The following A2M variants were observed in gnomAD, a reference collection of about 807,000 sequenced individuals.
A2M encodes the protein alpha-2-macroglobulin.
Under a neutral mutation model 183.9 loss-of-function variants are expected in A2M, and 128 were observed. The ratio of observed to expected loss-of-function variants is 0.70; its 90% CI spans 0.60 to 0.81. A2M has a LOEUF of 0.81. Among genes scored for constraint, A2M ranks in the 30% least tolerant of loss-of-function variants. The pLI, the probability that A2M is intolerant of heterozygous loss-of-function variation, is 0.00. For missense variants in A2M, 1,495 were observed against 1,787.6 expected (o/e 0.84, Z 2.95); for synonymous variants, 592 against 670.8 (o/e 0.88, Z 1.81).
intron 35 of A2M, 165 bp from the exon 36 acceptor site, chr12:9,068,004 C>T (rs893510969): frequency 2.1e-6 from 2 of 964,166 alleles, no homozygotes; most frequent in African/African-American, 1.6e-5. Flanking sequence ...CCTATGGACT[C>T]TCTGAGGTTT....
At chr12:9,069,014 G>A in intron 33 of A2M, 172 bp from the exon 34 acceptor site, 1 of 512,386 alleles carries the variant, frequency 2.0e-6, no homozygotes, top group Non-Finnish European at 3.4e-6. Context: ...AAATTCTCCA[G>A]ATTATTTCTT....
In A2M at chr12:9,113,395, C is replaced by T; in HGVS notation, c.235G>A (p.Ala79Thr). ...GNRSLFTDLE[A>T]ENDVLHCVAF... is the part of the protein sequence containing the mutation. ...ACACAGTGGAGTACGTCATTCTCCG[C>T]CTCCAGGTCAGTGAAGAGGCTCCTG... Residue 79 changes from alanine to threonine, a missense_variant, in exon 2 of 36, where the codon GCG (alanine) becomes ACG (threonine). By Grantham distance (58) the Ala-to-Thr change is moderately conservative. Transcript: ENST00000318602. 6.2e-7 allele frequency: 1 copy of T among 1,613,720 alleles called. No homozygotes were observed. The highest frequency in any genetic ancestry group is 1.7e-5 in the Admixed American group (1 of 59,954).
At chr12:9,090,249 G>A (rs962179969) in intron 20 of A2M, 107 bp downstream of exon 20, 7 of 1,532,408 alleles carry the variant, frequency 4.6e-6, no homozygotes, top group Non-Finnish European at 5.4e-6. Flanking sequence ...GAAAAAAATC[G>A]CAGCATCTAG....
At chr12:9,090,118 T>C (rs1949164511) in intron 20 of A2M, 95 bp from the exon 21 acceptor site, 1 of 1,517,706 alleles carries the variant, frequency 6.6e-7, no homozygotes, top group Non-Finnish European at 8.9e-7. Flanking sequence ...CTGTAAACTT[T>C]TGTTTTATTA....
At chr12:9,112,856 G>A (rs777341630) in intron 2 of A2M, among the ~76,000 whole-genome samples, 1 of 152,276 alleles carries the variant, frequency 6.6e-6, no homozygotes, top group East Asian at 1.9e-4. Context: ...GGGCATGGTC[G>A]AAGCATGTTT....
intron 15 of A2M, chr12:9,098,297 G>A (rs1271649108): frequency 1.3e-5 from 2 of 159,726 alleles, no homozygotes; most frequent in Admixed American, 1.3e-4. Flanking sequence ...TCTTGAGCAA[G>A]AAGCTTAACG....
intron 4 of A2M, chr12:9,111,921 C>T (rs752779882): frequency 1.7e-5 from 11 of 640,032 alleles, no homozygotes; most frequent in Admixed American, 3.9e-5. Context: ...AAGAACCATC[C>T]GAAAAGTAAA....
upstream of A2M, chr12:9,115,989 T>A: frequency 1.4e-6 from 1 of 722,162 alleles, no homozygotes; most frequent in South Asian, 1.5e-5. Flanking sequence ...CCACACAAGA[T>A]CTCTAAACAA....
chr12:9,115,007 A>G (rs1244474004), intron 1 of A2M, among the ~76,000 whole-genome samples: 2 of 152,212 alleles, frequency 1.3e-5, no homozygotes, highest in Non-Finnish European at 2.9e-5. Context: ...GATTGCAAGA[A>G]TTAAACAACA....
chr12:9,104,299 A>C lies in A2M; in HGVS notation c.1206T>G (p.His402Gln). ...NYYSNATTDEHGLVQFSINTT... is the reference protein window; with the variant it reads ...NYYSNATTDEQGLVQFSINTT... Reference sequence around the variant, plus strand: ...TGTTGATAGAGAACTGTACAAGGCCATGCTCATCCGTGGTAGCATTGGAGT... The same window carrying C: ...TGTTGATAGAGAACTGTACAAGGCCCTGCTCATCCGTGGTAGCATTGGAGT... Residue 402 changes from histidine to glutamine, a missense_variant, in exon 11 of 36, where the codon CAT becomes CAG. Coordinates refer to ENST00000318602, the MANE Select transcript of A2M (RefSeq NM_000014.6). The C allele has an allele frequency of 6.2e-7, 1 of 1,613,346 alleles. No individual in the cohort carries two copies. Among genetic ancestry groups the C allele is most frequent in the Middle Eastern group, 1.6e-4 (1 of 6,062 alleles).
Position 9,075,816 on chromosome 12 carries a change from C to G in A2M, c.3532+940G>C, listed in dbSNP as rs751831215. Among the ~76,000 whole-genome samples, 3 of 152,258 alleles carry G rather than the reference C, an allele frequency of 2.0e-5. No homozygotes were observed. The East Asian group carries it at 5.8e-4, about 29-fold the overall frequency. On this transcript the variant is annotated intron_variant, in intron 28 of 35. Transcript: ENST00000318602. ...ATTGCCTCTGGAGGTGGTAGTGATA[C>G]ACAAGGGATTTATTTTTCCCATGTC... is the stretch of plus-strand genomic sequence containing the variant.
chr12:9,106,378 G>A (rs2137926410), intron 9 of A2M, 33 bp from the exon 10 acceptor site: 1 of 1,524,646 alleles, frequency 6.6e-7, no homozygotes, highest in Non-Finnish European at 9.0e-7. Context: ...GTTATTTTTG[G>A]GAAGAATGAT....
chr12:9,101,056 A>G (rs1270620177), intron 13 of A2M, 88 bp downstream of exon 13: 3 of 1,281,700 alleles, frequency 2.3e-6, no homozygotes, highest in Non-Finnish European at 3.2e-6. Context: ...ACCTATGGAA[A>G]AAAAGGGAAA....
chr12:9,068,136 A>C, intron 35 of A2M, 47 bp downstream of exon 35: 1 of 1,606,312 alleles, frequency 6.2e-7, no homozygotes, highest in South Asian at 1.1e-5. Context: ...TTGGGGGGCA[A>C]GCTGAAGGAG....
chr12:9,108,412 CA>C (rs1331081044), intron 7 of A2M, among the ~76,000 whole-genome samples: 1 of 152,196 alleles, frequency 6.6e-6, no homozygotes, highest in Non-Finnish European at 1.5e-5. Context: ...AGGCGTGAGC[CA>C]CCACGCCGGG....
rs1805683 is a variant in A2M at position 9,074,492 on chromosome 12, T to C, written c.3756+68A>G. The C allele has an allele frequency of 4.8e-3, 6,927 of 1,443,904 alleles. 260 individuals carry two copies. In the African/African-American group the frequency reaches 0.083, roughly 17 times the overall value. The allele number at this position is 1,443,904 out of a possible 1,614,324, so 89.4% of individuals were successfully genotyped here. A position where few individuals can be genotyped will look rare whatever the true frequency, so the allele number is the denominator to read the frequency against. On this transcript the variant is annotated intron_variant, in intron 29 of 35. Transcript: ENST00000318602. ...TGTATTTTTTTCTTCTTGGATGTGT[T>C]TGTTTCTTTTTCATTCAAATCTTTT...
In A2M at chr12:9,079,252, G is replaced by T. The variant is rs756226036; in HGVS notation, c.3111C>A (p.Gly1037=). The T allele has an allele frequency of 1.2e-6, 2 of 1,613,292 alleles. No homozygotes were observed. Among genetic ancestry groups the T allele is most frequent in the South Asian group, 2.2e-5 (2 of 91,016 alleles). ...AATTGTTCTTTCCTTACCAGGTGTT[G>T]CCCTGGTTCCTGCCATATCGCTCCC... ...TFGERYGRNQ[G]NTWLTAFVLK... Residue 1037 remains glycine, a synonymous_variant, in exon 25 of 36, where the codon GGC becomes GGA. Coordinates refer to ENST00000318602, the MANE Select transcript of A2M (RefSeq NM_000014.6).
At chr12:9,099,638 A>G in intron 13 of A2M, 115 bp from the exon 14 acceptor site, 1 of 1,262,070 alleles carries the variant, frequency 7.9e-7, no homozygotes, top group Non-Finnish European at 1.1e-6. Context: ...ACCTCTAAGG[A>G]CTCTAGCTTT....
At chr12:9,071,807 A>G (rs898599316) in intron 31 of A2M, among the ~76,000 whole-genome samples, 1 of 152,182 alleles carries the variant, frequency 6.6e-6, no homozygotes, top group African/African-American at 2.4e-5. Flanking sequence ...TATTTGTTAC[A>G]TGTATTTTGT....
Sources: allele counts gnomAD v4.1 joint callset (sites outside exome capture counted in the v4.1 genomes callset), GRCh38; gene constraint gnomAD v4.1.1; transcripts MANE v1.5; gene names NCBI Gene and HGNC (gene_info 2026-07-23, HGNC 2026-07-21).